MMP26: variants seen among roughly 807,000 people sequenced by gnomAD.
MMP26 encodes matrix metalloproteinase-26.
A neutral mutation model predicts 31.0 loss-of-function variants in MMP26; 33 were observed. That is an observed-to-expected ratio of 1.06 (90% CI 0.81 to 1.42). MMP26 has a LOEUF of 1.42. Among genes scored for constraint, MMP26 ranks in the 40% most tolerant of loss-of-function variants. The pLI is 0.00. For missense variants in MMP26, 347 were observed against 316.1 expected (o/e 1.10, Z -0.74); for synonymous variants, 122 against 114.9 (o/e 1.06, Z -0.40).
chr11:4,878,969 C>T (rs1014513147), intron 2 of MMP26, among the ~76,000 whole-genome samples: 3 of 152,086 alleles, frequency 2.0e-5, no homozygotes, highest in African/African-American at 4.8e-5. Context: ...GGCGCGGTGG[C>T]TTACACCTGT....
At chr11:4,881,262 G>A (rs185702157) in intron 2 of MMP26, among the ~76,000 whole-genome samples, 2 of 152,092 alleles carry the variant, frequency 1.3e-5, no homozygotes, top group Admixed American at 6.6e-5. Flanking sequence ...TCCTCTTACC[G>A]CCTTGCATTA....
chr11:4,910,454 A>G (rs1850973758), intron 2 of MMP26, among the ~76,000 whole-genome samples: 1 of 152,152 alleles, frequency 6.6e-6, no homozygotes, highest in Non-Finnish European at 1.5e-5. Flanking sequence ...TGTTGAAATC[A>G]TTAGGAGAGG....
chr11:4,975,206 G>A (rs750194763), intron 2 of MMP26, among the ~76,000 whole-genome samples: 1 of 151,976 alleles, frequency 6.6e-6, no homozygotes, highest in African/African-American at 2.4e-5. Context: ...AAAAAATCAG[G>A]CAAGTGTTAA....
intron 2 of MMP26, chr11:4,860,723 A>ATGATACGGCGAC: frequency 6.5e-6 from 2 of 306,952 alleles, no homozygotes; most frequent in Admixed American, 4.7e-5. Flanking sequence ...GATATTTGTA[A>ATGATACGGCGAC]CACTGTGTCT....
At chr11:4,981,052 G>A (rs1163501699) in intron 2 of MMP26, among the ~76,000 whole-genome samples, 3 of 152,020 alleles carry the variant, frequency 2.0e-5, no homozygotes, top group African/African-American at 7.2e-5. Context: ...GTAGCTGAAT[G>A]TTATTACTGG....
chr11:4,989,767 G>T lies in MMP26; in HGVS notation c.219G>T (p.Met73Ile). ...GGACAGACCTACTTGACATGCAGATGCATGCTCTGCTACACCAGCCCCACT... is the reference window on the plus strand; with the variant it reads ...GGACAGACCTACTTGACATGCAGATTCATGCTCTGCTACACCAGCCCCACT... ...RNGTDLLDMQ[M>I]HALLHQPHCG... The change falls in exon 4 of 8, where the codon ATG (methionine) becomes ATT (isoleucine). Residue 73 changes from methionine to isoleucine, a missense_variant. Met to Ile is a conservative substitution (Grantham distance 10, BLOSUM62 1). Coordinates refer to ENST00000380390, the MANE Select transcript of MMP26 (RefSeq NM_021801.5). 1 of 1,613,832 alleles carries T rather than the reference G, an allele frequency of 6.2e-7. No individual in the cohort carries two copies. The highest frequency in any genetic ancestry group is 8.5e-7 in the Non-Finnish European group (1 of 1,179,942).
At chr11:4,709,532 G>A (rs565348006) in intron 1 of MMP26, 8 of 401,764 alleles carry the variant, frequency 2.0e-5, no homozygotes, top group South Asian at 1.3e-4. Context: ...ACAGGACATA[G>A]TTCTTTTCCT....
At chr11:4,907,502 A>G in intron 2 of MMP26, 1 of 1,613,988 alleles carries the variant, frequency 6.2e-7, no homozygotes, top group South Asian at 1.1e-5. Flanking sequence ...CAACTGCACC[A>G]TTCTCTTTAT....
intron 2 of MMP26, among the ~76,000 whole-genome samples, chr11:4,835,420 T>G (rs1310191100): frequency 1.1e-5 from 1 of 92,272 alleles, no homozygotes; most frequent in Non-Finnish European, 2.2e-5. Context: ...TGTTAAGAAA[T>G]TTTTTTTTCC....
At chr11:4,811,597 C>T (rs534429118) in intron 2 of MMP26, among the ~76,000 whole-genome samples, 92 of 152,172 alleles carry the variant, frequency 6.0e-4, no homozygotes, top group African/African-American at 2.2e-3. Context: ...CCTTTATCTT[C>T]GGTATGTGAC....
intron 1 of MMP26, among the ~76,000 whole-genome samples, chr11:4,732,178 G>A (rs111367986): frequency 1.8e-4 from 28 of 152,200 alleles, no homozygotes; most frequent in African/African-American, 6.0e-4. Flanking sequence ...CTTCTCGTTC[G>A]ATATTCTCCT....
intron 2 of MMP26, chr11:4,947,427 C>G (rs1846329665): frequency 4.9e-6 from 1 of 204,142 alleles, no homozygotes; most frequent in Non-Finnish European, 9.8e-6. Context: ...GGTCAATTAA[C>G]TGGAATCTTC....
chr11:4,816,639 G>A (rs958404060), intron 2 of MMP26, among the ~76,000 whole-genome samples: 1 of 150,710 alleles, frequency 6.6e-6, no homozygotes, highest in Non-Finnish European at 1.5e-5. Flanking sequence ...TATGATTATG[G>A]GCAACTGAAT....
intron 2 of MMP26, among the ~76,000 whole-genome samples, chr11:4,936,991 T>A (rs1669728531): frequency 6.6e-6 from 1 of 152,188 alleles, no homozygotes; most frequent in Admixed American, 6.6e-5. Flanking sequence ...ACTCTTCTCT[T>A]ACTAGGCATT....
At chr11:4,977,423 C>A (rs543347303) in intron 2 of MMP26, among the ~76,000 whole-genome samples, 1 of 152,056 alleles carries the variant, frequency 6.6e-6, no homozygotes, top group Admixed American at 6.6e-5. Flanking sequence ...AACCTATTGA[C>A]GGGCCATTGG....
At chr11:4,858,366 G>A (rs1261026369) in intron 2 of MMP26, among the ~76,000 whole-genome samples, 11 of 152,248 alleles carry the variant, frequency 7.2e-5, no homozygotes, top group African/African-American at 1.2e-4. Flanking sequence ...CTGATAAGCA[G>A]CTTCAGCAAA....
At chr11:4,982,435 T>C (rs527850493) in intron 2 of MMP26, among the ~76,000 whole-genome samples, 1 of 152,298 alleles carries the variant, frequency 6.6e-6, no homozygotes, top group Non-Finnish European at 1.5e-5. Context: ...ATGTGGCACA[T>C]GACTATACAT....
intron 2 of MMP26, among the ~76,000 whole-genome samples, chr11:4,825,484 T>C (rs1564789163): frequency 6.6e-6 from 1 of 152,116 alleles, no homozygotes; most frequent in African/African-American, 2.4e-5. Flanking sequence ...TTGATTTTCA[T>C]GGCATACCCT....
intron 2 of MMP26, chr11:4,804,739 G>A (rs892293819): frequency 4.1e-5 from 15 of 366,284 alleles, no homozygotes; most frequent in Non-Finnish European, 4.8e-5. Flanking sequence ...GAGGTCAGGA[G>A]TTCAAGACCA....
Sources: gnomAD v4.1 joint callset for allele counts (sites outside exome capture counted in the v4.1 genomes callset) on GRCh38, gnomAD v4.1.1 for gene constraint, MANE v1.5 for transcripts, NCBI Gene and HGNC (gene_info 2026-07-23, HGNC 2026-07-21) for gene names.